Variants in CADPS2 observed in about 807,000 individuals in gnomAD.
CADPS2 encodes the protein calcium dependent secretion activator 2.
A neutral mutation model predicts 172.5 loss-of-function variants in CADPS2; 93 were observed. That is an observed-to-expected ratio of 0.54 (90% CI 0.46 to 0.64). The LOEUF is 0.64. Ranked by LOEUF, CADPS2 falls within the 30% of genes least tolerant of loss-of-function variation. The pLI, the probability that CADPS2 is intolerant of heterozygous loss-of-function variation, is 0.00. For synonymous variants in CADPS2, 546 were observed against 555.2 expected, an observed-to-expected ratio of 0.98 and a Z score of 0.23; for missense variants, 1,420 against 1,565.9, an observed-to-expected ratio of 0.91 and a Z score of 1.57.
chr7:122,589,440 G>A (rs750174632), intron 6 of CADPS2, among the ~76,000 whole-genome samples: 5 of 151,722 alleles, frequency 3.3e-5, no homozygotes, highest in Non-Finnish European at 5.9e-5. Flanking sequence ...AGCAATTAAG[G>A]CAGTCTTGTG....
At chr7:122,667,084 G>A (rs911228129) in intron 2 of CADPS2, among the ~76,000 whole-genome samples, 82 of 151,958 alleles carry the variant, frequency 5.4e-4, no homozygotes, top group African/African-American at 1.9e-3. Context: ...TATATTAAGC[G>A]TTCCCTGTTC....
chr7:122,358,441 G>C (rs1023562639), intron 27 of CADPS2, among the ~76,000 whole-genome samples: 1 of 151,992 alleles, frequency 6.6e-6, no homozygotes, highest in Non-Finnish European at 1.5e-5. Context: ...CAATGAATAA[G>C]AGTATACTTA....
At chr7:122,500,966 A>G (rs1194245260) in intron 9 of CADPS2, among the ~76,000 whole-genome samples, 1 of 152,148 alleles carries the variant, frequency 6.6e-6, no homozygotes, top group African/African-American at 2.4e-5. Flanking sequence ...ATTTAATTCT[A>G]AATCTAGGCC....
chr7:122,362,051 G>A (rs1050530678), intron 25 of CADPS2, among the ~76,000 whole-genome samples: 2 of 151,836 alleles, frequency 1.3e-5, no homozygotes, highest in African/African-American at 4.8e-5. Context: ...TGGGTGACAA[G>A]AGCAAAACTC....
At chr7:122,790,486 A>T (rs1795071377) in intron 1 of CADPS2, among the ~76,000 whole-genome samples, 1 of 151,636 alleles carries the variant, frequency 6.6e-6, no homozygotes, top group Non-Finnish European at 1.5e-5. Context: ...AATCCAAGAA[A>T]ATGTTTCTAA....
chr7:122,657,168 ATC>A (rs562557096), intron 3 of CADPS2, among the ~76,000 whole-genome samples: 198 of 152,212 alleles, frequency 1.3e-3, no homozygotes, highest in Non-Finnish European at 2.5e-3. Context: ...ATAGGTCTAT[ATC>A]TCTGTTTTGG....
intron 25 of CADPS2, among the ~76,000 whole-genome samples, chr7:122,378,515 G>T (rs74410468): frequency 0.015 from 2,323 of 152,194 alleles, 31 homozygotes; most frequent in Non-Finnish European, 0.023. Flanking sequence ...TCATGGGGCA[G>T]CTCTATTTTT....
At chr7:122,420,302 A>T (rs186803452) in intron 17 of CADPS2, among the ~76,000 whole-genome samples, 8 of 152,198 alleles carry the variant, frequency 5.3e-5, no homozygotes, top group Non-Finnish European at 1.0e-4. Context: ...ATCAGCTATT[A>T]CATGTGACAC....
intron 3 of CADPS2, among the ~76,000 whole-genome samples, chr7:122,653,072 T>C (rs1042854156): frequency 1.3e-5 from 2 of 152,176 alleles, no homozygotes; most frequent in African/African-American, 4.8e-5. Flanking sequence ...TGGCCATCGA[T>C]GTCATGTGGC....
intron 1 of CADPS2, among the ~76,000 whole-genome samples, chr7:122,847,519 T>C (rs981304553): frequency 6.6e-6 from 1 of 152,260 alleles, no homozygotes; most frequent in African/African-American, 2.4e-5. Flanking sequence ...TTGGCCATTT[T>C]ATTGTATTGT....
intron 1 of CADPS2, among the ~76,000 whole-genome samples, chr7:122,836,893 T>C (rs371937717): frequency 6.6e-6 from 1 of 151,802 alleles, no homozygotes; most frequent in East Asian, 1.9e-4. Context: ...AACAAGGATA[T>C]CCAGGAATTG....
chr7:122,396,134 A>G (rs190126871), intron 20 of CADPS2, among the ~76,000 whole-genome samples: 38 of 152,170 alleles, frequency 2.5e-4, no homozygotes, highest in African/African-American at 8.9e-4. Flanking sequence ...AAACTTATCA[A>G]TAAGGTAACT....
At chr7:122,489,988 G>A (rs765605491) in intron 11 of CADPS2, 93 bp downstream of exon 11, 3 of 1,004,608 alleles carry the variant, frequency 3.0e-6, no homozygotes, top group Non-Finnish European at 4.4e-6. Flanking sequence ...ATCAATTAAT[G>A]ATGTAAACTA....
chr7:122,436,248 G>T, intron 17 of CADPS2: 1 of 488,560 alleles, frequency 2.0e-6, no homozygotes, highest in Non-Finnish European at 3.3e-6. Flanking sequence ...ATCAAGTTGT[G>T]TACATTAAAT....
At chr7:122,593,369 C>T (rs2071211230) in intron 6 of CADPS2, among the ~76,000 whole-genome samples, 1 of 152,008 alleles carries the variant, frequency 6.6e-6, no homozygotes, top group African/African-American at 2.4e-5. Context: ...CCCTCGCCCA[C>T]AGCCGAGTAC....
At position 122,621,483 on chromosome 7, in the gene CADPS2, C is replaced by T; in HGVS notation, c.1102G>A (p.Glu368Lys). 1 of 1,604,824 alleles carries T rather than the reference C, an allele frequency of 6.2e-7. No homozygotes were observed. The highest frequency in any genetic ancestry group is 8.5e-7 in the Non-Finnish European group (1 of 1,172,064). The change falls in exon 5 of 30, where the codon GAG becomes AAG. Residue 368 changes from glutamate to lysine, a missense_variant and splice_region_variant. By Grantham distance (56) the Glu-to-Lys change is moderately conservative. Coordinates refer to ENST00000449022, the MANE Select transcript of CADPS2 (RefSeq NM_017954.11). ...KSDVVLSFTL[E>K]IVIMEVQGLK... ...GAGCATGAGATAAAGCTACTTACCT[C>T]TAAGGTGAATGACAGTACCACGTCG...
At chr7:122,377,909 C>T (rs1298396593) in intron 25 of CADPS2, among the ~76,000 whole-genome samples, 1 of 151,834 alleles carries the variant, frequency 6.6e-6, no homozygotes, top group Non-Finnish European at 1.5e-5. Context: ...CTAAGACATG[C>T]CATGAGATAA....
chr7:122,450,015 T>TA (rs1415963805), intron 15 of CADPS2, among the ~76,000 whole-genome samples: 3 of 152,058 alleles, frequency 2.0e-5, no homozygotes, highest in Non-Finnish European at 2.9e-5. Context: ...CAATATCATT[T>TA]AAAAAAATCA....
In CADPS2 at chr7:122,615,254, G is replaced by T; in HGVS notation, c.1150C>A (p.Arg384=). ...VQGLKSVAPN[R]IVYCTMEVEG... is the part of the protein sequence containing the mutation. The stretch of plus-strand genomic sequence containing the variant: ...ACTTCCATTGTACAGTAAACAATTC[G>T]ATTGGGAGCAACTGACTTCAGGCCT... The change falls in exon 6 of 30, where the codon CGA becomes AGA. Residue 384 remains arginine, a synonymous_variant. Transcript: ENST00000449022. The T allele has an allele frequency of 6.4e-7, 1 of 1,556,242 alleles. No individual in the cohort carries two copies.
Sources: allele counts gnomAD v4.1 joint callset (sites outside exome capture counted in the v4.1 genomes callset), GRCh38; gene constraint gnomAD v4.1.1; transcripts MANE v1.5; gene names NCBI Gene and HGNC (gene_info 2026-07-23, HGNC 2026-07-21).